LRRN1: variants seen among roughly 807,000 people sequenced by gnomAD.
LRRN1 encodes leucine rich repeat neuronal 1, also known as leucine-rich repeat neuronal protein 1.
A neutral mutation model predicts 45.8 loss-of-function variants in LRRN1; 14 were observed. The ratio of observed to expected loss-of-function variants is 0.31; its 90% CI spans 0.20 to 0.48. The LOEUF is 0.48. LRRN1 is among the 20% of genes least tolerant of loss of function. The pLI is 0.99. For synonymous variants in LRRN1, 359 were observed against 330.1 expected (o/e 1.09, Z -0.95); for missense variants, 789 against 874.2 (o/e 0.90, Z 1.23).
intron 1 of LRRN1, among the ~76,000 whole-genome samples, chr3:3,842,198 G>A (rs543823733): frequency 2.0e-5 from 3 of 151,938 alleles, no homozygotes; most frequent in East Asian, 1.9e-4. Context: ...TTGTATATGC[G>A]GTCCATCATT....
rs1693795936 is a variant in LRRN1, at chr3:3,847,071, ACTC to A, written c.*280_*282del. The A allele has an allele frequency of 4.3e-6, 1 of 233,232 alleles. No individual in the cohort carries two copies. The highest frequency in any genetic ancestry group is 9.0e-6 in the Non-Finnish European group (1 of 111,120). The allele number at this position is 233,232 out of a possible 1,614,324, so 14.4% of individuals were successfully genotyped here. A position where few individuals can be genotyped will look rare whatever the true frequency, so the allele number is the denominator to read the frequency against. ...TATTTTATTTTAGTTGTTGTGCTAA[ACTC>A]AATAATGCTGTTCTAACTACAGTGC... On this transcript the variant is annotated 3_prime_UTR_variant, in exon 2 of 2. Coordinates refer to ENST00000319331, the MANE Select transcript of LRRN1 (RefSeq NM_020873.7).
rs1693541286 is a variant in LRRN1 at position 3,837,262 on chromosome 3, A to C, written c.-278-7102A>C. Reference sequence around the variant, plus strand: ...CAAGGTTACTTTGTAAACAAACAAAACTGGAAAATAAGACTACATACTAAG... The same window carrying C: ...CAAGGTTACTTTGTAAACAAACAAACCTGGAAAATAAGACTACATACTAAG... On this transcript the variant is annotated intron_variant, in intron 1 of 1. Coordinates refer to ENST00000319331, the MANE Select transcript of LRRN1 (RefSeq NM_020873.7). 2.0e-5 allele frequency among the ~76,000 whole-genome samples: 3 copies of C among 152,156 alleles called. No homozygotes were observed. The South Asian group carries it at 6.2e-4, about 31-fold the overall frequency.
At chr3:3,802,231 C>T (rs1023426048) in intron 1 of LRRN1, among the ~76,000 whole-genome samples, 1 of 152,236 alleles carries the variant, frequency 6.6e-6, no homozygotes, top group Non-Finnish European at 1.5e-5. Flanking sequence ...CGTGACCACA[C>T]TGCACTGTTC....
At chr3:3,805,264 T>C (rs1413924091) in intron 1 of LRRN1, among the ~76,000 whole-genome samples, 4 of 152,170 alleles carry the variant, frequency 2.6e-5, no homozygotes, top group African/African-American at 7.2e-5. Context: ...GAGAGAAAGG[T>C]GGCTTAATTG....
chr3:3,846,216 G>C lies in LRRN1; in HGVS notation c.1575G>C (p.Gln525His). 1 of 1,614,046 alleles carries C rather than the reference G, an allele frequency of 6.2e-7. No homozygotes were observed. The highest frequency in any genetic ancestry group is 8.5e-7 in the Non-Finnish European group (1 of 1,180,016). Residue 525 changes from glutamine (Q) to histidine (H), a missense_variant, in exon 2 of 2, where the codon CAG (glutamine) becomes CAC (histidine). Gln to His is a conservative substitution (Grantham distance 24). Coordinates refer to ENST00000319331, the MANE Select transcript of LRRN1 (RefSeq NM_020873.7). The surrounding 1 kb of genome is among the most constrained non-coding windows in gnomAD (Gnocchi z 5.7). ...KVNGTLLDGT[Q>H]VLKIYVKQTE... ...ATGGGACCCTTCTGGATGGTACCCA[G>C]GTGCTAAAAATATACGTCAAGCAGA...
intron 1 of LRRN1, among the ~76,000 whole-genome samples, chr3:3,830,411 A>G (rs1278802103): frequency 6.6e-6 from 1 of 152,148 alleles, no homozygotes; most frequent in African/African-American, 2.4e-5. Flanking sequence ...AAAGTGCACA[A>G]CCAGGTGCAC....
chr3:3,839,399 A>G (rs1194176571), intron 1 of LRRN1, among the ~76,000 whole-genome samples: 1 of 152,148 alleles, frequency 6.6e-6, no homozygotes, highest in South Asian at 2.1e-4. Flanking sequence ...CTGTTGCCTT[A>G]CAGTATGTAT....
chr3:3,845,808 C>T lies in LRRN1; in HGVS notation c.1167C>T (p.Ile389=). ...IHWINSNKTN[I]RFMEPLSMFC... is the part of the protein sequence containing the mutation. The stretch of plus-strand genomic sequence containing the variant: ...GGATTAACTCCAACAAAACCAACAT[C>T]CGCTTCATGGAGCCCCTGTCCATGT... Residue 389 remains isoleucine, a synonymous_variant, in exon 2 of 2, where the codon ATC becomes ATT. Coordinates refer to ENST00000319331, the MANE Select transcript of LRRN1 (RefSeq NM_020873.7). This position sits in a 1 kb window ranked among gnomAD's most constrained non-coding sequence, Gnocchi z 6.5. 1 of 1,614,154 alleles carries T rather than the reference C, an allele frequency of 6.2e-7. No homozygotes were observed. Among genetic ancestry groups the T allele is most frequent in the Non-Finnish European group, 8.5e-7 (1 of 1,180,036 alleles).
At chr3:3,827,639 G>C in intron 1 of LRRN1, 1 of 383,952 alleles carries the variant, frequency 2.6e-6, no homozygotes, top group Non-Finnish European at 5.2e-6. Context: ...CTGAGAAAAA[G>C]CTAAAAGAAT....
intron 1 of LRRN1, among the ~76,000 whole-genome samples, chr3:3,809,001 C>G (rs1290888933): frequency 2.0e-5 from 3 of 152,118 alleles, no homozygotes; most frequent in Non-Finnish European, 4.4e-5. Context: ...GTTATATCAT[C>G]ATTGTCTAAA....
In LRRN1 at chr3:3,844,751, T is replaced by C. The variant is rs778613879; in HGVS notation, c.110T>C (p.Val37Ala). The C allele has an allele frequency of 6.2e-7, 1 of 1,614,134 alleles. No homozygotes were observed. Among genetic ancestry groups the C allele is most frequent in the Admixed American group, 1.7e-5 (1 of 60,020 alleles). ...AATAGTGAGTGTCCACAACTTTGCG[T>C]ATGTGAAATTCGTCCCTGGTTTACC... is the stretch of plus-strand genomic sequence containing the variant. ...IQNSECPQLC[V>A]CEIRPWFTPQ... Residue 37 changes from valine (V) to alanine (A), a missense_variant, in exon 2 of 2, where the codon GTA (valine) becomes GCA (alanine). Transcript: ENST00000319331.
chr3:3,837,445 T>G lies in LRRN1; in HGVS notation c.-278-6919T>G, dbSNP rs371650605. Among the ~76,000 whole-genome samples, 7 of 152,206 alleles carry G rather than the reference T, an allele frequency of 4.6e-5. No homozygotes were observed. The East Asian group carries it at 1.4e-3, about 30-fold the overall frequency. Reference sequence around the variant, plus strand: ...GGGTTCCTCAGTTTTGTTGAGCTCATTTGGGGTTATTCCTGCCACCCTCTT... The same window carrying G: ...GGGTTCCTCAGTTTTGTTGAGCTCAGTTGGGGTTATTCCTGCCACCCTCTT... On this transcript the variant is annotated intron_variant, in intron 1 of 1. Coordinates refer to ENST00000319331, the MANE Select transcript of LRRN1 (RefSeq NM_020873.7).
At chr3:3,835,942 G>T (rs748396343) in intron 1 of LRRN1, among the ~76,000 whole-genome samples, 1 of 151,992 alleles carries the variant, frequency 6.6e-6, no homozygotes, top group Non-Finnish European at 1.5e-5. Context: ...CCAATTCTGG[G>T]CCTTAAAGCC....
intron 1 of LRRN1, among the ~76,000 whole-genome samples, chr3:3,841,353 T>C (rs1693650315): frequency 5.1e-5 from 1 of 19,722 alleles, no homozygotes; most frequent in South Asian, 2.8e-3. Flanking sequence ...CTTTATTCTT[T>C]TGGTTTTCTA....
intron 1 of LRRN1, among the ~76,000 whole-genome samples, chr3:3,815,614 G>A (rs192477612): frequency 6.6e-6 from 1 of 152,288 alleles, no homozygotes. Context: ...CTAAGTTGCT[G>A]AAGCATAGCA....
At chr3:3,813,243 C>T (rs933219136) in intron 1 of LRRN1, among the ~76,000 whole-genome samples, 1 of 152,160 alleles carries the variant, frequency 6.6e-6, no homozygotes, top group African/African-American at 2.4e-5. Flanking sequence ...CGTCGGTGCT[C>T]TAATGACCAT....
chr3:3,809,142 G>C (rs1367775724), intron 1 of LRRN1, among the ~76,000 whole-genome samples: 1 of 99,418 alleles, frequency 1.0e-5, no homozygotes, highest in Admixed American at 1.1e-4. Context: ...GAATAGTATT[G>C]AATGATTTTT....
chr3:3,837,131 A>G (rs1693536830), intron 1 of LRRN1, among the ~76,000 whole-genome samples: 1 of 152,202 alleles, frequency 6.6e-6, no homozygotes, highest in African/African-American at 2.4e-5. Flanking sequence ...AAGCACTGCA[A>G]AAGTCTTCCT....
At chr3:3,840,053 C>A (rs1391571988) in intron 1 of LRRN1, among the ~76,000 whole-genome samples, 2 of 152,082 alleles carry the variant, frequency 1.3e-5, no homozygotes, top group African/African-American at 4.8e-5. Context: ...TTCCTTGTTC[C>A]CATTCTTAGA....
Sources: gnomAD v4.1 joint callset for allele counts (sites outside exome capture counted in the v4.1 genomes callset) on GRCh38, gnomAD v4.1.1 for gene constraint, Gnocchi (gnomAD v3.1) non-coding constraint, MANE v1.5 for transcripts, NCBI Gene and HGNC (gene_info 2026-07-23, HGNC 2026-07-21) for gene names.